FOSL2: variants seen among roughly 807,000 people sequenced by gnomAD.
FOSL2 encodes fos-related antigen 2.
In FOSL2, 3 loss-of-function variants were observed where a neutral mutation model predicts 27.7. The observed-to-expected ratio is 0.11, with a 90% CI of 0.05 to 0.28. The LOEUF (loss-of-function observed/expected upper bound fraction) is 0.28. Among genes scored for constraint, FOSL2 ranks in the 10% least tolerant of loss-of-function variants. The pLI is 1.00. For synonymous variants in FOSL2, 179 were observed against 190.1 expected, an observed-to-expected ratio of 0.94 and a Z score of 0.48; for missense variants, 333 against 445.1, an observed-to-expected ratio of 0.75 and a Z score of 2.27.
intron 1 of FOSL2, among the ~76,000 whole-genome samples, chr2:28,398,370 C>A (rs1453638292): frequency 6.6e-6 from 1 of 152,114 alleles, no homozygotes; most frequent in African/African-American, 2.4e-5. Context: ...CGGCCCTGTC[C>A]CGTGGCAGTG....
chr2:28,404,379 A>G lies in FOSL2; in HGVS notation c.354+21A>G, dbSNP rs767454445. 6.2e-6 allele frequency: 10 copies of G among 1,604,284 alleles called. No individual in the cohort carries two copies. The highest frequency in any genetic ancestry group is 2.7e-5 in the African/African-American group (2 of 74,614). Reference sequence around the variant, plus strand: ...AGCAGGTACAGCTCAGACCAGTGGGAAGGAGCCACGTCAGTGGCTTTCAGA... The same window carrying G: ...AGCAGGTACAGCTCAGACCAGTGGGGAGGAGCCACGTCAGTGGCTTTCAGA... On this transcript the variant is annotated intron_variant, in intron 2 of 3. Coordinates refer to ENST00000264716, the MANE Select transcript of FOSL2 (RefSeq NM_005253.4). This position sits in a 1 kb window ranked among gnomAD's most constrained non-coding sequence, Gnocchi z 4.7.
Position 28,412,928 on chromosome 2 carries a change from A to C in FOSL2, c.*480A>C. 1 of 161,744 alleles carries C rather than the reference A, an allele frequency of 6.2e-6. No individual in the cohort carries two copies. Among genetic ancestry groups the C allele is most frequent in the Admixed American group, 6.2e-5 (1 of 16,184 alleles). 10.0% of individuals were successfully genotyped at this position (161,744 alleles called of 1,614,324 possible). On this transcript the variant is annotated 3_prime_UTR_variant, in exon 4 of 4. Transcript: ENST00000264716. The surrounding 1 kb of genome is among the most constrained non-coding windows in gnomAD (Gnocchi z 7.1). The stretch of plus-strand genomic sequence containing the variant: ...TGGTTTTTATCAAATTTGCCATGAC[A>C]TTTCATCTGGGTGGTCTGAATATTA...
At chr2:28,402,515 C>T (rs1663993982) in intron 1 of FOSL2, among the ~76,000 whole-genome samples, 1 of 152,252 alleles carries the variant, frequency 6.6e-6, no homozygotes, top group South Asian at 2.1e-4. Flanking sequence ...AATGGTGGTG[C>T]CAGCTTCCAT....
chr2:28,412,634 T>C lies in FOSL2; in HGVS notation c.*186T>C. The C allele has an allele frequency of 1.7e-6, 1 of 598,880 alleles. No homozygotes were observed. Among genetic ancestry groups the C allele is most frequent in the Non-Finnish European group, 2.9e-6 (1 of 347,332 alleles). The allele number at this position is 598,880 out of a possible 1,614,324, so 37.1% of individuals were successfully genotyped here. A position where few individuals can be genotyped will look rare whatever the true frequency, so the allele number is the denominator to read the frequency against. On this transcript the variant is annotated 3_prime_UTR_variant, in exon 4 of 4. Transcript: ENST00000264716. The surrounding 1 kb of genome is among the most constrained non-coding windows in gnomAD (Gnocchi z 7.1). The stretch of plus-strand genomic sequence containing the variant: ...TATTGGAAGACTTGGGTTGATCTCT[T>C]AGAAGCCATGGGACCTCCTCCCTCA...
In FOSL2 at chr2:28,415,335, G is replaced by A. The variant is rs1456354837; in HGVS notation, c.*2887G>A. On this transcript the variant is annotated 3_prime_UTR_variant, in exon 4 of 4. Transcript: ENST00000264716. ...AGCTGCTGGCACAGGAAGGAGAGGC[G>A]ATCCCGGCTGAGGCTTAGGAAATTG... is the stretch of plus-strand genomic sequence containing the variant. 1 of 152,230 alleles carries A rather than the reference G, an allele frequency of 6.6e-6. No individual in the cohort carries two copies. The highest frequency in any genetic ancestry group is 2.4e-5 in the African/African-American group (1 of 41,464). 9.4% of individuals were successfully genotyped at this position (152,230 alleles called of 1,614,324 possible).
rs1168900780 is a variant in FOSL2, at chr2:28,393,973, C to T, written c.102+151C>T. The T allele has an allele frequency of 4.9e-6, 3 of 616,474 alleles. No homozygotes were observed. Among genetic ancestry groups the T allele is most frequent in the Non-Finnish European group, 2.8e-6 (1 of 353,214 alleles). 38.2% of individuals were successfully genotyped at this position (616,474 alleles called of 1,614,324 possible). A position where few individuals can be genotyped will look rare whatever the true frequency, so the allele number is the denominator to read the frequency against. On this transcript the variant is annotated intron_variant, in intron 1 of 3. Transcript: ENST00000264716. The surrounding 1 kb of genome is among the most constrained non-coding windows in gnomAD (Gnocchi z 4.6). ...TTCTGGATTTTCGTCCTCCCCTTCCCCCCCACCCCCTTTTAAACTAGGGGA... is the reference window on the plus strand; with the variant it reads ...TTCTGGATTTTCGTCCTCCCCTTCCTCCCCACCCCCTTTTAAACTAGGGGA...
intron 2 of FOSL2, among the ~76,000 whole-genome samples, chr2:28,405,940 C>T (rs1299042620): frequency 6.6e-6 from 1 of 151,970 alleles, no homozygotes; most frequent in Non-Finnish European, 1.5e-5. Context: ...GAGCTGGACT[C>T]TTCTGGGATA....
chr2:28,398,175 G>C (rs966981279), intron 1 of FOSL2, among the ~76,000 whole-genome samples: 1 of 152,224 alleles, frequency 6.6e-6, no homozygotes, highest in Non-Finnish European at 1.5e-5. Context: ...TCATTACTTT[G>C]TGGATATGTC....
rs1325198099 is a variant in FOSL2 at position 28,404,290 on chromosome 2, G to A, written c.286G>A (p.Ala96Thr). The change falls in exon 2 of 4, where the codon GCC becomes ACC. Residue 96 changes from alanine (A) to threonine (T), a missense_variant. Ala to Thr is a moderately conservative substitution (Grantham distance 58). Coordinates refer to ENST00000264716, the MANE Select transcript of FOSL2 (RefSeq NM_005253.4). This position sits in a 1 kb window ranked among gnomAD's most constrained non-coding sequence, Gnocchi z 4.7. ...CCTGGCCTCTGTCCCTGGACACATG[G>A]CCCTCCCAAGACCTGGCGTGATCAA... ...PGLASVPGHM[A>T]LPRPGVIKTI... The A allele has an allele frequency of 1.2e-6, 2 of 1,614,144 alleles. No individual in the cohort carries two copies. Among genetic ancestry groups the A allele is most frequent in the Admixed American group, 3.3e-5 (2 of 60,016 alleles).
chr2:28,409,924 A>G (rs928675019), intron 3 of FOSL2, among the ~76,000 whole-genome samples: 1 of 152,176 alleles, frequency 6.6e-6, no homozygotes, highest in Non-Finnish European at 1.5e-5. Flanking sequence ...TATTTTTAAT[A>G]GAGACAGGGT....
At position 28,393,807 on chromosome 2, in the gene FOSL2, C is replaced by A. The variant is rs754141656; in HGVS notation, c.87C>A (p.Gly29=). 11 of 1,598,290 alleles carry A rather than the reference C, an allele frequency of 6.9e-6. No individual in the cohort carries two copies. In the African/African-American group the frequency reaches 1.2e-4, roughly 18 times the overall value. Residue 29 remains glycine (G), a synonymous_variant, in exon 1 of 4, where the codon GGC becomes GGA. Coordinates refer to ENST00000264716, the MANE Select transcript of FOSL2 (RefSeq NM_005253.4). The surrounding 1 kb of genome is among the most constrained non-coding windows in gnomAD (Gnocchi z 4.6). ...SPAHAESYSS[G]GGGQQKFRVD... is the part of the protein sequence containing the mutation. ...CGCACGCCGAGTCCTACTCCAGCGG[C>A]GGCGGCGGCCAGCAGGTAGGTGCGG...
intron 1 of FOSL2, among the ~76,000 whole-genome samples, chr2:28,401,625 A>G (rs1293335060): frequency 6.6e-6 from 1 of 152,028 alleles, no homozygotes; most frequent in African/African-American, 2.4e-5. Context: ...TTCTACACAC[A>G]CTCAGCCATG....
In FOSL2 at chr2:28,411,923, G is replaced by A. The variant is rs12624279; in HGVS notation, c.463-7G>A. On this transcript the variant is annotated splice_region_variant and splice_polypyrimidine_tract_variant and intron_variant, in intron 3 of 3. Coordinates refer to ENST00000264716, the MANE Select transcript of FOSL2 (RefSeq NM_005253.4). ...CTGTCCCTCACATCCCTCTCTTTCC[G>A]TGGCAGGAGACAGAGGAGCTGGAGG... 648,426 of 1,613,402 alleles carry A rather than the reference G, an allele frequency of 0.4. 134,510 individuals are homozygous for A. The highest frequency in any genetic ancestry group is 0.47 in the South Asian group (42,433 of 91,056).
chr2:28,411,556 A>T (rs1190703882), intron 3 of FOSL2, among the ~76,000 whole-genome samples: 1 of 152,214 alleles, frequency 6.6e-6, no homozygotes, highest in Non-Finnish European at 1.5e-5. Context: ...TGGAAAATTA[A>T]CAGAACCCCT....
In FOSL2 at chr2:28,412,727, C is replaced by T; in HGVS notation, c.*279C>T. 3 of 455,340 alleles carry T rather than the reference C, an allele frequency of 6.6e-6. No homozygotes were observed. The highest frequency in any genetic ancestry group is 1.2e-5 in the Non-Finnish European group (3 of 249,614). The allele number at this position is 455,340 out of a possible 1,614,324, so 28.2% of individuals were successfully genotyped here. A position where few individuals can be genotyped will look rare whatever the true frequency, so the allele number is the denominator to read the frequency against. On this transcript the variant is annotated 3_prime_UTR_variant, in exon 4 of 4. Coordinates refer to ENST00000264716, the MANE Select transcript of FOSL2 (RefSeq NM_005253.4). This position sits in a 1 kb window ranked among gnomAD's most constrained non-coding sequence, Gnocchi z 7.1. ...AACTCGGTTTGGTAGACTTGGACAT[C>T]TCTCTGGCTTCTGAAGAGCCTGAAG...
intron 1 of FOSL2, among the ~76,000 whole-genome samples, chr2:28,397,384 G>A (rs936393516): frequency 6.6e-6 from 1 of 151,958 alleles, no homozygotes; most frequent in Non-Finnish European, 1.5e-5. Context: ...CATAGATTAA[G>A]GGTCTGGGTG....
chr2:28,400,541 C>T (rs1663948006), intron 1 of FOSL2, among the ~76,000 whole-genome samples: 1 of 152,128 alleles, frequency 6.6e-6, no homozygotes, highest in South Asian at 2.1e-4. Context: ...CTCTTGGAGA[C>T]AAAAGCCTTC....
At position 28,412,184 on chromosome 2, in the gene FOSL2, C is replaced by T; in HGVS notation, c.717C>T (p.Asp239=). ...CCTCGTCCTCGTCGGCGGGGCTGGA[C>T]AAGGCCCAGCGCTCTGTCATCAAGC... is the stretch of plus-strand genomic sequence containing the variant. ...DSPSSSSAGL[D]KAQRSVIKPI... is the part of the protein sequence containing the mutation. Residue 239 remains aspartate (D), a synonymous_variant, in exon 4 of 4, where the codon GAC becomes GAT. Coordinates refer to ENST00000264716, the MANE Select transcript of FOSL2 (RefSeq NM_005253.4). This position sits in a 1 kb window ranked among gnomAD's most constrained non-coding sequence, Gnocchi z 7.1. 1 of 1,609,624 alleles carries T rather than the reference C, an allele frequency of 6.2e-7. No individual in the cohort carries two copies. Among genetic ancestry groups the T allele is most frequent in the Non-Finnish European group, 8.5e-7 (1 of 1,177,630 alleles).
At chr2:28,401,794 A>T (rs1663978216) in intron 1 of FOSL2, among the ~76,000 whole-genome samples, 1 of 152,216 alleles carries the variant, frequency 6.6e-6, no homozygotes, top group Non-Finnish European at 1.5e-5. Flanking sequence ...CCTGATAAAA[A>T]GCCCACTTTT....
Sources: gnomAD v4.1 joint callset for allele counts (sites outside exome capture counted in the v4.1 genomes callset) on GRCh38, gnomAD v4.1.1 for gene constraint, Gnocchi (gnomAD v3.1) non-coding constraint, MANE v1.5 for transcripts, NCBI Gene and HGNC (gene_info 2026-07-23, HGNC 2026-07-21) for gene names.